SLC22A23: variants seen among roughly 807,000 people sequenced by gnomAD.
SLC22A23 encodes the protein ion transporter protein.
In SLC22A23, 26 loss-of-function variants were observed where a neutral mutation model predicts 61.0. The ratio of observed to expected loss-of-function variants is 0.43; its 90% CI spans 0.31 to 0.59. The LOEUF is 0.59. Ranked by LOEUF, SLC22A23 falls within the 20% of genes least tolerant of loss-of-function variation. SLC22A23 has a pLI of 0.11. For synonymous variants in SLC22A23, 430 were observed against 413.9 expected, an observed-to-expected ratio of 1.04 and a Z score of -0.47; for missense variants, 796 against 934.7, an observed-to-expected ratio of 0.85 and a Z score of 1.94.
chr6:3,322,596 A>C lies in SLC22A23; in HGVS notation c.1082+1238T>G, dbSNP rs1358474692. 6.6e-6 allele frequency among the ~76,000 whole-genome samples: 1 copy of C among 152,136 alleles called. No homozygotes were observed. The highest frequency in any genetic ancestry group is 2.4e-5 in the African/African-American group (1 of 41,432). ...CCTCTCTGGCAGGTGGCCTTTTCCC[A>C]TCTGCTATTGCTGGCCCCCTGCTGC... On this transcript the variant is annotated intron_variant, in intron 4 of 9. Coordinates refer to ENST00000406686, the MANE Select transcript of SLC22A23 (RefSeq NM_015482.2). The surrounding 1 kb of genome is among the most constrained non-coding windows in gnomAD (Gnocchi z 4.1).
intron 6 of SLC22A23, 136 bp from the exon 7 acceptor site, chr6:3,287,227 C>G: frequency 1.3e-6 from 1 of 747,950 alleles, no homozygotes. Flanking sequence ...CCCATCATGA[C>G]CGAACCACGA....
chr6:3,306,857 T>C (rs1762010765), intron 4 of SLC22A23, among the ~76,000 whole-genome samples: 1 of 152,170 alleles, frequency 6.6e-6, no homozygotes, highest in Non-Finnish European at 1.5e-5. Context: ...GAGCAGAATG[T>C]TCAAGCTGAG....
intron 5 of SLC22A23, among the ~76,000 whole-genome samples, chr6:3,293,650 G>T (rs1428422058): frequency 6.6e-6 from 1 of 152,256 alleles, no homozygotes; most frequent in African/African-American, 2.4e-5. Context: ...AGCCGTGGCG[G>T]TCGCCTGTGG....
chr6:3,274,431 G>C (rs1157375568), intron 9 of SLC22A23, among the ~76,000 whole-genome samples: 1 of 152,220 alleles, frequency 6.6e-6, no homozygotes, highest in African/African-American at 2.4e-5. Context: ...ACAGCAGCAG[G>C]TAGACTGGTC....
chr6:3,274,899 T>A (rs1450096566), intron 9 of SLC22A23, among the ~76,000 whole-genome samples: 1 of 149,866 alleles, frequency 6.7e-6, no homozygotes, highest in East Asian at 1.9e-4. Context: ...ATAAAGATGG[T>A]AATTTTTCCC....
chr6:3,385,457 A>C (rs545943868), intron 3 of SLC22A23, among the ~76,000 whole-genome samples: 14 of 152,338 alleles, frequency 9.2e-5, no homozygotes, highest in Non-Finnish European at 2.1e-4. Context: ...CAGAGGTTGC[A>C]GTGTGCAGAG....
Position 3,273,060 on chromosome 6 carries a change from T to G in SLC22A23, c.2056A>C (p.Met686Leu). The part of the protein sequence containing the change: ...EGATANGMKA[M>L] ...CCCGGGTTCCGCAGGCCGGGCTACATGGCCTTCATGCCGTTGGCCGTGGCA... is the reference window on the plus strand; with the variant it reads ...CCCGGGTTCCGCAGGCCGGGCTACAGGGCCTTCATGCCGTTGGCCGTGGCA... The change falls in exon 10 of 10, where the codon ATG becomes CTG. Residue 686 changes from methionine to leucine, a missense_variant. By Grantham distance (15) the Met-to-Leu change is conservative (BLOSUM62 2). Coordinates refer to ENST00000406686, the MANE Select transcript of SLC22A23 (RefSeq NM_015482.2). 6.4e-7 allele frequency: 1 copy of G among 1,556,758 alleles called. No homozygotes were observed. The highest frequency in any genetic ancestry group is 8.7e-7 in the Non-Finnish European group (1 of 1,152,660).
At chr6:3,419,982 C>T (rs756715327) in intron 1 of SLC22A23, among the ~76,000 whole-genome samples, 13 of 152,184 alleles carry the variant, frequency 8.5e-5, no homozygotes. Context: ...CCCTACAGAA[C>T]AATGAAAAGC....
rs1765373099 is a variant in SLC22A23 at position 3,360,588 on chromosome 6, T to TC, written c.914-36587dup. 6.6e-6 allele frequency among the ~76,000 whole-genome samples: 1 copy of TC among 152,156 alleles called. No individual in the cohort carries two copies. The highest frequency in any genetic ancestry group is 1.5e-5 in the Non-Finnish European group (1 of 68,030). On this transcript the variant is annotated intron_variant, in intron 3 of 9. Coordinates refer to ENST00000406686, the MANE Select transcript of SLC22A23 (RefSeq NM_015482.2). This position sits in a 1 kb window ranked among gnomAD's most constrained non-coding sequence, Gnocchi z 4.6. ...TTTGGGGCCTTTGCACACATCCGAG[T>TC]CAACCTCAACAGTCTTAGTCCACAC...
At chr6:3,417,636 T>A (rs1045935977) in intron 1 of SLC22A23, among the ~76,000 whole-genome samples, 1 of 152,200 alleles carries the variant, frequency 6.6e-6, no homozygotes, top group Non-Finnish European at 1.5e-5. Flanking sequence ...GCCCACTGAA[T>A]GAAGACTCCT....
intron 3 of SLC22A23, among the ~76,000 whole-genome samples, chr6:3,375,057 T>C (rs904869991): frequency 6.6e-6 from 1 of 152,218 alleles, no homozygotes; most frequent in Admixed American, 6.5e-5. Context: ...TAAGGATGTC[T>C]TGGAAGAAAA....
intron 9 of SLC22A23, chr6:3,282,085 C>T (rs563256433): frequency 2.3e-5 from 15 of 641,954 alleles, no homozygotes; most frequent in Middle Eastern, 5.0e-4. Context: ...CTAGCCACCC[C>T]CTCCCCCAAC....
chr6:3,366,352 A>G (rs1033139874), intron 3 of SLC22A23, among the ~76,000 whole-genome samples: 13 of 80,300 alleles, frequency 1.6e-4, no homozygotes, highest in Non-Finnish European at 6.5e-5. Context: ...AAAAAAAAAA[A>G]AAAAAGAAAG....
At chr6:3,375,668 GA>G (rs1056101878) in intron 3 of SLC22A23, among the ~76,000 whole-genome samples, 1 of 152,172 alleles carries the variant, frequency 6.6e-6, no homozygotes, top group African/African-American at 2.4e-5. Flanking sequence ...TATCTGTGTT[GA>G]ATATATAAGG....
Position 3,287,036 on chromosome 6 carries a change from C to A in SLC22A23, c.1369G>T (p.Val457Leu), listed in dbSNP as rs1382479158. 1.2e-6 allele frequency: 2 copies of A among 1,614,130 alleles called. No homozygotes were observed. Among genetic ancestry groups the A allele is most frequent in the Non-Finnish European group, 1.7e-6 (2 of 1,180,058 alleles). The stretch of plus-strand genomic sequence containing the variant: ...AAGTTCTCCAGGAGCGGCACCTTCA[C>A]CTCGTGGCCCATCATGCTCCTGGCA... ...CFARSMMGHEVKVPLLENFYA... is the reference protein window; with the variant it reads ...CFARSMMGHELKVPLLENFYA... Residue 457 changes from valine (V) to leucine (L), a missense_variant, in exon 7 of 10, where the codon GTG becomes TTG. Transcript: ENST00000406686.
intron 1 of SLC22A23, among the ~76,000 whole-genome samples, chr6:3,433,587 G>T (rs530700755): frequency 2.0e-5 from 3 of 152,314 alleles, no homozygotes; most frequent in East Asian, 3.9e-4. Context: ...GAGTGGAAAG[G>T]ATTGACAATG....
intron 1 of SLC22A23, among the ~76,000 whole-genome samples, chr6:3,418,431 G>A (rs1462800844): frequency 2.6e-5 from 4 of 152,238 alleles, no homozygotes; most frequent in Non-Finnish European, 5.9e-5. Context: ...AGCCACCTGA[G>A]CAATGACCAG....
At chr6:3,413,755 C>A (rs1280264650) in intron 2 of SLC22A23, among the ~76,000 whole-genome samples, 1 of 152,176 alleles carries the variant, frequency 6.6e-6, no homozygotes, top group Non-Finnish European at 1.5e-5. Context: ...TCTGGAGTTC[C>A]CTTTAAATGG....
intron 4 of SLC22A23, 188 bp downstream of exon 4, chr6:3,323,646 T>C: frequency 1.4e-6 from 1 of 711,264 alleles, no homozygotes; most frequent in East Asian, 2.8e-5. Flanking sequence ...TTGTGTATAT[T>C]TGAACAGTTT....
Sources: allele counts gnomAD v4.1 joint callset (sites outside exome capture counted in the v4.1 genomes callset), GRCh38; gene constraint gnomAD v4.1.1; non-coding constraint Gnocchi (gnomAD v3.1); transcripts MANE v1.5; gene names NCBI Gene and HGNC (gene_info 2026-07-23, HGNC 2026-07-21).